PTPRD: variants seen among roughly 807,000 people sequenced by gnomAD.
PTPRD encodes the protein protein tyrosine phosphatase receptor type D, also known as receptor-type tyrosine-protein phosphatase delta.
In PTPRD, 34 loss-of-function variants were observed where a neutral mutation model predicts 214.5. That is an observed-to-expected ratio of 0.16 (90% CI 0.12 to 0.21). PTPRD has a LOEUF of 0.21. Among genes scored for constraint, PTPRD ranks in the 10% least tolerant of loss-of-function variants. PTPRD has a pLI of 1.00. For missense variants in PTPRD, 2,545 were observed against 2,398.7 expected (o/e 1.06, Z -1.27); for synonymous variants, 1,128 against 845.7 (o/e 1.33, Z -5.79).
chr9:10,249,311 T>C (rs910997851), intron 3 of PTPRD, among the ~76,000 whole-genome samples: 1 of 152,158 alleles, frequency 6.6e-6, no homozygotes, highest in Non-Finnish European at 1.5e-5. Flanking sequence ...CTCCATAACA[T>C]AAAAAGACAT....
In PTPRD at chr9:10,235,456, G is replaced by A. The variant is rs917524100; in HGVS notation, c.-545+105507C>T. Among the ~76,000 whole-genome samples the A allele has an allele frequency of 5.9e-5, 9 of 151,986 alleles. No individual in the cohort carries two copies. In the South Asian group the frequency reaches 1.9e-3, roughly 32 times the overall value. On this transcript the variant is annotated intron_variant, in intron 3 of 45. Transcript: ENST00000381196. ...ATAGCTAGCTGCTCATGTCAGAAAG[G>A]GTGGAACCAGGAAGGCTATGGTATC...
chr9:9,657,599 A>C (rs746225660), intron 7 of PTPRD, among the ~76,000 whole-genome samples: 1 of 152,216 alleles, frequency 6.6e-6, no homozygotes, highest in Admixed American at 6.5e-5. Context: ...TTGAAATATA[A>C]TAATAGTGAA....
chr9:9,709,526 C>G lies in PTPRD; in HGVS notation c.-287+25007G>C, dbSNP rs113473447. 3.6e-3 allele frequency among the ~76,000 whole-genome samples: 543 copies of G among 152,078 alleles called. 4 individuals are homozygous for G. The highest frequency in any genetic ancestry group is 0.012 in the African/African-American group (509 of 41,548). On this transcript the variant is annotated intron_variant, in intron 7 of 45. Coordinates refer to ENST00000381196, the MANE Select transcript of PTPRD (RefSeq NM_002839.4). ...TATAAAACAAGAAACAAATAATGAGCTACTTTGATTTATGGTATTCATTTC... is the reference window on the plus strand; with the variant it reads ...TATAAAACAAGAAACAAATAATGAGGTACTTTGATTTATGGTATTCATTTC...
intron 7 of PTPRD, among the ~76,000 whole-genome samples, chr9:9,638,951 T>A (rs949373918): frequency 2.6e-5 from 4 of 152,118 alleles, no homozygotes; most frequent in Non-Finnish European, 4.4e-5. Context: ...TCCTTCAAAC[T>A]CTTTCATAAT....
intron 6 of PTPRD, among the ~76,000 whole-genome samples, chr9:9,736,797 T>C (rs1316577677): frequency 6.6e-6 from 1 of 152,048 alleles, no homozygotes; most frequent in East Asian, 1.9e-4. Context: ...TCTTTCCTTA[T>C]CGATTCACAG....
intron 11 of PTPRD, among the ~76,000 whole-genome samples, chr9:8,813,498 G>A (rs559491965): frequency 1.3e-5 from 2 of 152,164 alleles, no homozygotes; most frequent in South Asian, 4.2e-4. Context: ...AGCCTCCTCG[G>A]TACTTGTGAC....
rs552219557 is a variant in PTPRD at position 10,375,296 on chromosome 9, A to G, written c.-599-34279T>C. On this transcript the variant is annotated intron_variant, in intron 2 of 45. Coordinates refer to ENST00000381196, the MANE Select transcript of PTPRD (RefSeq NM_002839.4). Reference sequence around the variant, plus strand: ...AATGCTTTGGGGGATAATTCTATGCATGCAGAACTGGATCTATTTTAAAAC... The same window carrying G: ...AATGCTTTGGGGGATAATTCTATGCGTGCAGAACTGGATCTATTTTAAAAC... Among the ~76,000 whole-genome samples the G allele has an allele frequency of 9.4e-4, 143 of 151,994 alleles. 1 individual carries two copies. The highest frequency in any genetic ancestry group is 1.7e-3 in the Non-Finnish European group (116 of 67,948).
At chr9:8,975,109 A>AAT (rs1344530400) in intron 11 of PTPRD, among the ~76,000 whole-genome samples, 2 of 151,818 alleles carry the variant, frequency 1.3e-5, no homozygotes, top group Non-Finnish European at 2.9e-5. Context: ...AAAAAAAAAA[A>AAT]AAAAAGATTT....
chr9:8,729,498 G>A (rs1024850787), intron 12 of PTPRD, among the ~76,000 whole-genome samples: 1 of 151,930 alleles, frequency 6.6e-6, no homozygotes, highest in East Asian at 1.9e-4. Context: ...AAAACTGTTT[G>A]CTAAATCTTG....
intron 12 of PTPRD, among the ~76,000 whole-genome samples, chr9:8,680,343 A>G (rs1441387466): frequency 6.6e-6 from 1 of 152,200 alleles, no homozygotes; most frequent in South Asian, 2.1e-4. Flanking sequence ...AATTGCCTAC[A>G]GCTTTAATTA....
chr9:10,188,014 C>T (rs1448243294), intron 3 of PTPRD, among the ~76,000 whole-genome samples: 1 of 152,150 alleles, frequency 6.6e-6, no homozygotes, highest in African/African-American at 2.4e-5. Flanking sequence ...CAATTGAGGT[C>T]CAATGCATCT....
intron 3 of PTPRD, among the ~76,000 whole-genome samples, chr9:10,239,353 T>C (rs1019033606): frequency 3.9e-5 from 6 of 151,978 alleles, no homozygotes; most frequent in African/African-American, 1.4e-4. Flanking sequence ...ATTCTATGTA[T>C]AGGTGCAAAA....
intron 36 of PTPRD, among the ~76,000 whole-genome samples, chr9:8,400,480 G>A (rs1170990251): frequency 6.6e-6 from 1 of 152,182 alleles, no homozygotes; most frequent in African/African-American, 2.4e-5. Context: ...AATAGGAAAT[G>A]AGATAGGAAA....
At chr9:10,484,567 G>C (rs1314186913) in intron 2 of PTPRD, among the ~76,000 whole-genome samples, 2 of 151,836 alleles carry the variant, frequency 1.3e-5, no homozygotes, top group East Asian at 1.9e-4. Flanking sequence ...CTGTCTTTTG[G>C]ATAAAAGCCA....
intron 3 of PTPRD, among the ~76,000 whole-genome samples, chr9:10,102,544 A>T (rs963847554): frequency 6.6e-6 from 1 of 151,568 alleles, no homozygotes; most frequent in African/African-American, 2.4e-5. Context: ...TTATTATATT[A>T]CTTATATTAA....
chr9:8,498,010 T>C (rs888018279), intron 25 of PTPRD, among the ~76,000 whole-genome samples: 2 of 152,220 alleles, frequency 1.3e-5, no homozygotes, highest in Non-Finnish European at 2.9e-5. Flanking sequence ...ATAACTTTCT[T>C]TTTATAGGCA....
Position 8,579,790 on chromosome 9 carries a change from G to C in PTPRD, c.353-51011C>G, listed in dbSNP as rs544118745. Among the ~76,000 whole-genome samples the C allele has an allele frequency of 7.9e-5, 12 of 152,332 alleles. No individual in the cohort carries two copies. The East Asian group carries it at 2.3e-3, about 29-fold the overall frequency. On this transcript the variant is annotated intron_variant, in intron 14 of 45. Coordinates refer to ENST00000381196, the MANE Select transcript of PTPRD (RefSeq NM_002839.4). ...GGAAATTAAGCTGAAGGAGTATCAT[G>C]CAGACGTACCTTGGAAGGAATGTAG...
intron 9 of PTPRD, among the ~76,000 whole-genome samples, chr9:9,272,796 G>C (rs988496612): frequency 5.3e-5 from 8 of 151,238 alleles, no homozygotes; most frequent in African/African-American, 1.5e-4. Flanking sequence ...TCAAAAGCAA[G>C]CACTATGGCC....
At chr9:8,996,122 C>A (rs931703642) in intron 11 of PTPRD, among the ~76,000 whole-genome samples, 1 of 151,988 alleles carries the variant, frequency 6.6e-6, no homozygotes, top group East Asian at 1.9e-4. Flanking sequence ...GGTATTTACC[C>A]AGGAAAGAAG....
Sources: allele counts gnomAD v4.1 joint callset (sites outside exome capture counted in the v4.1 genomes callset), GRCh38; gene constraint gnomAD v4.1.1; transcripts MANE v1.5; gene names NCBI Gene and HGNC (gene_info 2026-07-23, HGNC 2026-07-21).